The following SPTBN5 variants were observed in gnomAD, a reference collection of about 807,000 sequenced individuals.
SPTBN5 encodes spectrin beta, non-erythrocytic 5, also known as spectrin beta chain, non-erythrocytic 5.
In SPTBN5, 513 loss-of-function variants were observed where a neutral mutation model predicts 477.6. The ratio of observed to expected loss-of-function variants is 1.07; its 90% CI spans 1.00 to 1.16. The LOEUF is 1.16. Ranked by LOEUF, SPTBN5 falls within the 50% of genes most tolerant of loss-of-function variation. The pLI is 0.00. For missense variants in SPTBN5, 5,062 were observed against 4,731.8 expected, an observed-to-expected ratio of 1.07 and a Z score of -2.05; for synonymous variants, 2,169 against 2,011.7, an observed-to-expected ratio of 1.08 and a Z score of -2.09.
At chr15:41,879,936 G>T in intron 14 of SPTBN5, 72 bp from the exon 15 acceptor site, 1 of 1,580,626 alleles carries the variant, frequency 6.3e-7, no homozygotes, top group South Asian at 1.1e-5. Context: ...GCCTATGACG[G>T]ACCTGAGTGG....
At chr15:41,871,601 C>T in intron 28 of SPTBN5, 81 bp from the exon 29 acceptor site, 2 of 1,416,232 alleles carry the variant, frequency 1.4e-6, no homozygotes, top group Non-Finnish European at 1.9e-6. Flanking sequence ...CACCTCAGTG[C>T]CCAACTGGGT....
intron 4 of SPTBN5, among the ~76,000 whole-genome samples, chr15:41,888,838 G>C (rs777213833): frequency 2.6e-5 from 4 of 152,216 alleles, no homozygotes; most frequent in African/African-American, 7.2e-5. Flanking sequence ...CCAGAGCTTG[G>C]GTAGGAAGGA....
chr15:41,858,731 C>A lies in SPTBN5; in HGVS notation c.8097G>T (p.Arg2699Ser), dbSNP rs111641936. 2.2e-5 allele frequency: 36 copies of A among 1,609,292 alleles called. No individual in the cohort carries two copies. Among genetic ancestry groups the A allele is most frequent in the Non-Finnish European group, 3.0e-5 (35 of 1,178,672 alleles). Residue 2699 changes from arginine (R) to serine (S), a missense_variant, in exon 49 of 68, where the codon AGG (arginine) becomes AGT (serine). Physicochemically the swap from Arg to Ser is moderately radical, Grantham distance 110. Transcript: ENST00000320955. ...QDSQEVAAWL[R>S]EKNLVALEEG... ...CCTCCAAGGCCACCAGGTTCTTCTC[C>A]CTCAGCCACGCAGCCACCTGGGCAC... is the stretch of plus-strand genomic sequence containing the variant.
chr15:41,887,126 C>T, intron 6 of SPTBN5, 87 bp downstream of exon 6: 1 of 1,262,420 alleles, frequency 7.9e-7, no homozygotes, highest in Non-Finnish European at 1.1e-6. Flanking sequence ...CAAGGCCACA[C>T]AGCTAGTACG....
At position 41,853,387 on chromosome 15, in the gene SPTBN5, C is replaced by G; in HGVS notation, c.10041G>C (p.Ala3347=). The G allele has an allele frequency of 1.2e-6, 2 of 1,608,814 alleles. No homozygotes were observed. The highest frequency in any genetic ancestry group is 1.7e-6 in the Non-Finnish European group (2 of 1,176,696). Residue 3347 remains alanine, a synonymous_variant, in exon 59 of 68, where the codon GCG becomes GCC. Coordinates refer to ENST00000320955, the MANE Select transcript of SPTBN5 (RefSeq NM_016642.4). ...ASSEELAEDV[A]GAEQLLGQHE... ...GCTGCCCAAGGAGCTGCTCAGCCCC[C>G]GCCACGTCCTCAGCCAGCTCCTCGG...
rs574478475 is a variant in SPTBN5 at position 41,856,607 on chromosome 15, G to A, written c.8809-9C>T. The A allele has an allele frequency of 3.2e-6, 5 of 1,563,706 alleles. No homozygotes were observed. The highest frequency in any genetic ancestry group is 1.8e-5 in the Admixed American group (1 of 55,080). On this transcript the variant is annotated splice_polypyrimidine_tract_variant and intron_variant, in intron 52 of 67. Coordinates refer to ENST00000320955, the MANE Select transcript of SPTBN5 (RefSeq NM_016642.4). ...ATCTCACTCTCCAGGTTCTGCGGGG[G>A]AGGAGGCAGGAGGATGCGGATGTTG...
At position 41,873,561 on chromosome 15, in the gene SPTBN5, C is replaced by A. The variant is rs1287060698; in HGVS notation, c.4938G>T (p.Arg1646=). Residue 1646 remains arginine (R), a synonymous_variant, in exon 26 of 68, where the codon CGG becomes CGT. Coordinates refer to ENST00000320955, the MANE Select transcript of SPTBN5 (RefSeq NM_016642.4). Reference sequence around the variant, plus strand: ...CATAGTCCCGACTGCTCACCAGCGGCCGCTTCTCCTCCACCCAGCCCTCCA... The same window carrying A: ...CATAGTCCCGACTGCTCACCAGCGGACGCTTCTCCTCCACCCAGCCCTCCA... ...SELEGWVEEK[R]PLVSSRDYGR... 6.4e-7 allele frequency: 1 copy of A among 1,552,116 alleles called. No individual in the cohort carries two copies. Among genetic ancestry groups the A allele is most frequent in the East Asian group, 2.4e-5 (1 of 40,960 alleles).
chr15:41,872,027 TC>T, intron 27 of SPTBN5, 110 bp from the exon 28 acceptor site: 1 of 1,361,886 alleles, frequency 7.3e-7, no homozygotes, highest in Non-Finnish European at 9.7e-7. Flanking sequence ...ATGGTCTCTG[TC>T]CAAGCCTGCG....
At position 41,859,289 on chromosome 15, in the gene SPTBN5, G is replaced by A. The variant is rs1205021204; in HGVS notation, c.7989-309C>T. Among the ~76,000 whole-genome samples, 3 of 152,168 alleles carry A rather than the reference G, an allele frequency of 2.0e-5. No homozygotes were observed. The East Asian group carries it at 5.8e-4, about 29-fold the overall frequency. On this transcript the variant is annotated intron_variant, in intron 47 of 67. Coordinates refer to ENST00000320955, the MANE Select transcript of SPTBN5 (RefSeq NM_016642.4). ...TTCTTCTGCCTCAGCCTCCCGAGTAGCTAGGACTATAGGCTCACACCTCCA... is the reference window on the plus strand; with the variant it reads ...TTCTTCTGCCTCAGCCTCCCGAGTAACTAGGACTATAGGCTCACACCTCCA...
intron 67 of SPTBN5, among the ~76,000 whole-genome samples, chr15:41,849,181 C>T (rs1235984135): frequency 6.6e-6 from 1 of 152,228 alleles, no homozygotes; most frequent in South Asian, 2.1e-4. Context: ...GTCCCCTCCC[C>T]CTGGAGAGCC....
intron 55 of SPTBN5, 24 bp from the exon 56 acceptor site, chr15:41,855,000 G>A: frequency 6.6e-7 from 1 of 1,518,656 alleles, no homozygotes; most frequent in South Asian, 1.3e-5. Flanking sequence ...AGGCCCAGCA[G>A]GGTCACTTGA....
intron 3 of SPTBN5, among the ~76,000 whole-genome samples, chr15:41,892,443 C>T (rs551463745): frequency 2.6e-5 from 4 of 152,322 alleles, no homozygotes; most frequent in African/African-American, 9.6e-5. Context: ...GGCCTCCTCC[C>T]TCCTTCTCCA....
chr15:41,872,468 C>A lies in SPTBN5; in HGVS notation c.5008-9G>T. 1.9e-6 allele frequency: 3 copies of A among 1,548,626 alleles called. No individual in the cohort carries two copies. Among genetic ancestry groups the A allele is most frequent in the Non-Finnish European group, 2.6e-6 (3 of 1,145,710 alleles). On this transcript the variant is annotated splice_polypyrimidine_tract_variant and intron_variant, in intron 26 of 67. Coordinates refer to ENST00000320955, the MANE Select transcript of SPTBN5 (RefSeq NM_016642.4). ...AGTTCCTCCTGTAGAGCCTATGATG[C>A]ATGAGGACCCATGCCAGGCTCAGCC...
At position 41,868,532 on chromosome 15, in the gene SPTBN5, G is replaced by A. The variant is rs1478002589; in HGVS notation, c.5923C>T (p.Pro1975Ser). The change falls in exon 33 of 68, where the codon CCT (proline) becomes TCT (serine). Residue 1975 changes from proline to serine, a missense_variant. By Grantham distance (74) the Pro-to-Ser change is moderately conservative. Transcript: ENST00000320955. ...CTGAGCTTCAGCGGGCCACTGCTAG[G>A]CTCTTGCGAACTCTCCTCCACCTGC... ...DLQVEESSQE[P>S]SSGPLKLSAH... The A allele has an allele frequency of 6.2e-7, 1 of 1,607,570 alleles. No individual in the cohort carries two copies. Among genetic ancestry groups the A allele is most frequent in the East Asian group, 2.2e-5 (1 of 44,866 alleles).
chr15:41,852,883 C>G lies in SPTBN5; in HGVS notation c.10288G>C (p.Glu3430Gln). 1.2e-6 allele frequency: 2 copies of G among 1,608,924 alleles called. No individual in the cohort carries two copies. The highest frequency in any genetic ancestry group is 1.7e-6 in the Non-Finnish European group (2 of 1,177,378). The change falls in exon 60 of 68, where the codon GAG becomes CAG. Residue 3430 changes from glutamate (E) to glutamine (Q), a missense_variant. Glu to Gln is a conservative substitution (Grantham distance 29, BLOSUM62 2). Transcript: ENST00000320955. ...CAGGCCAGCCAGGCCTCAGCCTGCT[C>G]CAGCCTCTGCCGAAGCTTCTGCAGG... ...WGLQKLRQRL[E>Q]QAEAWLACWE...
At chr15:41,860,880 A>ACACATCCCT (rs1269412695) in intron 46 of SPTBN5, 122 bp from the exon 47 acceptor site, 26 of 984,746 alleles carry the variant, frequency 2.6e-5, no homozygotes, top group Admixed American at 7.4e-5. Context: ...CTCCGCCCAA[A>ACACATCCCT]CACATCCCTC....
intron 7 of SPTBN5, 31 bp from the exon 8 acceptor site, chr15:41,883,517 T>C: frequency 6.2e-7 from 1 of 1,604,314 alleles, no homozygotes; most frequent in Non-Finnish European, 8.5e-7. Context: ...GGAGATCTCC[T>C]CTGGGTTGGG....
In SPTBN5 at chr15:41,860,762, G is replaced by C; in HGVS notation, c.7816-4C>G. On this transcript the variant is annotated splice_polypyrimidine_tract_variant and splice_region_variant and intron_variant, in intron 46 of 67. Coordinates refer to ENST00000320955, the MANE Select transcript of SPTBN5 (RefSeq NM_016642.4). ...GCTCCATGGGGGCCAAGGGGTCCTG[G>C]TGGGAGTGGGGAACCCAATACTGTC... is the stretch of plus-strand genomic sequence containing the variant. The C allele has an allele frequency of 1.9e-6, 3 of 1,573,382 alleles. No homozygotes were observed. The highest frequency in any genetic ancestry group is 2.6e-6 in the Non-Finnish European group (3 of 1,161,180).
intron 32 of SPTBN5, among the ~76,000 whole-genome samples, chr15:41,869,636 C>A (rs1012242209): frequency 6.6e-6 from 1 of 152,262 alleles, no homozygotes; most frequent in Admixed American, 6.5e-5. Context: ...CTTGCTGGCA[C>A]TGACCCAGAC....
Sources: gnomAD v4.1 joint callset for allele counts (sites outside exome capture counted in the v4.1 genomes callset) on GRCh38, gnomAD v4.1.1 for gene constraint, MANE v1.5 for transcripts, NCBI Gene and HGNC (gene_info 2026-07-23, HGNC 2026-07-21) for gene names.